GPR39: variants seen among roughly 807,000 people sequenced by gnomAD.
GPR39 encodes the protein zinc sensing receptor.
GPR39 carries 23 observed loss-of-function variants against 18.4 expected under a neutral mutation model. That is an observed-to-expected ratio of 1.25 (90% CI 0.90 to 1.77). GPR39 has a LOEUF of 1.77. Among genes scored for constraint, GPR39 ranks in the 40% most tolerant of loss-of-function variants. The pLI is 0.00. For synonymous variants in GPR39, 280 were observed against 257.9 expected (o/e 1.09, Z -0.82); for missense variants, 647 against 602.4 (o/e 1.07, Z -0.78).
chr2:132,479,209 A>C (rs188533054), intron 1 of GPR39, among the ~76,000 whole-genome samples: 2 of 152,358 alleles, frequency 1.3e-5, no homozygotes, highest in African/African-American at 4.8e-5. Context: ...ACGATTGAAC[A>C]GGACTTAGTC....
intron 1 of GPR39, among the ~76,000 whole-genome samples, chr2:132,531,137 CAAAA>C (rs1049322956): frequency 1.3e-5 from 2 of 151,648 alleles, no homozygotes; most frequent in African/African-American, 4.8e-5. Flanking sequence ...CATATAGGCT[CAAAA>C]TAAAGGGATG....
At chr2:132,499,839 C>A (rs1242025190) in intron 1 of GPR39, among the ~76,000 whole-genome samples, 10 of 151,886 alleles carry the variant, frequency 6.6e-5, no homozygotes, top group Non-Finnish European at 1.3e-4. Flanking sequence ...TATTTATTTG[C>A]AGCTACTGTG....
intron 1 of GPR39, among the ~76,000 whole-genome samples, chr2:132,473,275 T>A (rs1317314414): frequency 6.6e-6 from 1 of 152,162 alleles, no homozygotes; most frequent in African/African-American, 2.4e-5. Flanking sequence ...TGTCACTGAT[T>A]TGGCAGGTCC....
At chr2:132,532,318 CCAA>C (rs1335752047) in intron 1 of GPR39, among the ~76,000 whole-genome samples, 3 of 152,190 alleles carry the variant, frequency 2.0e-5, no homozygotes, top group Non-Finnish European at 4.4e-5. Context: ...TCTGGATAGA[CCAA>C]CAACAGGCTC....
At chr2:132,494,889 A>C (rs2104799480) in intron 1 of GPR39, among the ~76,000 whole-genome samples, 1 of 152,290 alleles carries the variant, frequency 6.6e-6, no homozygotes, top group African/African-American at 2.4e-5. Context: ...TAATGGGAAA[A>C]ATAGGATGGT....
chr2:132,449,510 G>T (rs1203546143), intron 1 of GPR39, among the ~76,000 whole-genome samples: 1 of 152,168 alleles, frequency 6.6e-6, no homozygotes, highest in Non-Finnish European at 1.5e-5. Flanking sequence ...GCCTCCCAAA[G>T]TGCTGGGATT....
intron 1 of GPR39, among the ~76,000 whole-genome samples, chr2:132,567,608 T>C (rs1046529656): frequency 5.9e-5 from 9 of 152,146 alleles, no homozygotes; most frequent in African/African-American, 2.2e-4. Flanking sequence ...TCTTTATAAA[T>C]TACCCGGTGT....
intron 1 of GPR39, among the ~76,000 whole-genome samples, chr2:132,642,186 T>C (rs77154944): frequency 0.025 from 3,879 of 152,342 alleles, 166 homozygotes; most frequent in African/African-American, 0.087. Context: ...GTGCACAATA[T>C]GAAAATCTCT....
chr2:132,596,344 T>TTC (rs1680947057), intron 1 of GPR39, among the ~76,000 whole-genome samples: 2 of 152,032 alleles, frequency 1.3e-5, no homozygotes, highest in African/African-American at 4.8e-5. Context: ...CCTTTTCCTT[T>TTC]TCTCTCTCTT....
chr2:132,545,555 C>T (rs1679931742), intron 1 of GPR39, among the ~76,000 whole-genome samples: 1 of 152,262 alleles, frequency 6.6e-6, no homozygotes, highest in Non-Finnish European at 1.5e-5. Flanking sequence ...CTAAGAGTGG[C>T]TATATCTGTC....
intron 1 of GPR39, among the ~76,000 whole-genome samples, chr2:132,473,947 T>A (rs1681079346): frequency 6.6e-6 from 1 of 152,204 alleles, no homozygotes; most frequent in Non-Finnish European, 1.5e-5. Flanking sequence ...GTGAGGGTCT[T>A]GCTAGTTACT....
Position 132,568,433 on chromosome 2 carries a change from C to T in GPR39, c.857-76668C>T, listed in dbSNP as rs369474603. Reference sequence around the variant, plus strand: ...AAAAACAACCTAGGTTGGCCAGGCACGGTGGCTTATGCCTGTAATCTCAGC... The same window carrying T: ...AAAAACAACCTAGGTTGGCCAGGCATGGTGGCTTATGCCTGTAATCTCAGC... On this transcript the variant is annotated intron_variant, in intron 1 of 1. Coordinates refer to ENST00000329321, the MANE Select transcript of GPR39 (RefSeq NM_001508.3). Among the ~76,000 whole-genome samples the T allele has an allele frequency of 6.5e-4, 99 of 152,134 alleles. 1 individual carries two copies. Among genetic ancestry groups the T allele is most frequent in the African/African-American group, 2.0e-3 (84 of 41,456 alleles).
At chr2:132,426,576 G>A (rs986996255) in intron 1 of GPR39, among the ~76,000 whole-genome samples, 4 of 152,208 alleles carry the variant, frequency 2.6e-5, no homozygotes, top group African/African-American at 9.6e-5. Context: ...GTGTCAGGGA[G>A]GAAGCCAACC....
At chr2:132,536,095 A>G (rs1679754262) in intron 1 of GPR39, among the ~76,000 whole-genome samples, 1 of 147,526 alleles carries the variant, frequency 6.8e-6, no homozygotes, top group South Asian at 2.1e-4. Context: ...GATCTTAGTT[A>G]TTTCTTGTCT....
At chr2:132,532,566 C>G (rs1055210544) in intron 1 of GPR39, among the ~76,000 whole-genome samples, 1 of 152,194 alleles carries the variant, frequency 6.6e-6, no homozygotes, top group Non-Finnish European at 1.5e-5. Context: ...AGACCAATAT[C>G]CTTGATGAAC....
intron 1 of GPR39, among the ~76,000 whole-genome samples, chr2:132,633,279 C>T (rs956074791): frequency 6.6e-6 from 1 of 151,790 alleles, no homozygotes; most frequent in Non-Finnish European, 1.5e-5. Flanking sequence ...CTATCAATTT[C>T]CCCCTTTATT....
chr2:132,560,961 G>C (rs1194854953), intron 1 of GPR39, among the ~76,000 whole-genome samples: 1 of 117,378 alleles, frequency 8.5e-6, no homozygotes, highest in Non-Finnish European at 1.6e-5. Flanking sequence ...GCCCAGGCTG[G>C]AGTGTGTAGT....
At chr2:132,563,901 C>T (rs534391638) in intron 1 of GPR39, among the ~76,000 whole-genome samples, 9 of 152,288 alleles carry the variant, frequency 5.9e-5, no homozygotes, top group South Asian at 2.1e-4. Flanking sequence ...TGGGTCCCCC[C>T]ACCCCAACCA....
intron 1 of GPR39, among the ~76,000 whole-genome samples, chr2:132,589,105 C>T (rs1450840959): frequency 6.6e-6 from 1 of 152,210 alleles, no homozygotes; most frequent in Non-Finnish European, 1.5e-5. Flanking sequence ...GACAAATGGG[C>T]TGACTGAGAG....
Sources: allele counts gnomAD v4.1 joint callset (sites outside exome capture counted in the v4.1 genomes callset), GRCh38; gene constraint gnomAD v4.1.1; transcripts MANE v1.5; gene names NCBI Gene and HGNC (gene_info 2026-07-23, HGNC 2026-07-21).